ARL14EPL: variants seen among roughly 807,000 people sequenced by gnomAD.
ARL14EPL encodes the protein ARL14 effector protein-like.
ARL14EPL carries 17 observed loss-of-function variants against 15.9 expected under a neutral mutation model. That is an observed-to-expected ratio of 1.07 (90% CI 0.73 to 1.60). The LOEUF (loss-of-function observed/expected upper bound fraction) is 1.60. ARL14EPL is among the 40% of genes most tolerant of loss of function. The pLI is 0.00. For missense variants in ARL14EPL, 214 were observed against 185.9 expected, an observed-to-expected ratio of 1.15 and a Z score of -0.88; for synonymous variants, 78 against 63.8, an observed-to-expected ratio of 1.22 and a Z score of -1.06.
intron 1 of ARL14EPL, among the ~76,000 whole-genome samples, chr5:116,034,390 A>C (rs1749011570): frequency 2.0e-5 from 3 of 152,284 alleles, no homozygotes; most frequent in Middle Eastern, 3.4e-3. Context: ...GGCCTTTCTG[A>C]TCACTTAGCA....
chr5:116,039,892 T>C (rs1212550203), intron 1 of ARL14EPL, among the ~76,000 whole-genome samples: 1 of 152,190 alleles, frequency 6.6e-6, no homozygotes, highest in African/African-American at 2.4e-5. Flanking sequence ...AAATATGATT[T>C]ACTAAACTGT....
chr5:116,055,783 G>C (rs940606370), intron 3 of ARL14EPL, among the ~76,000 whole-genome samples: 1 of 152,078 alleles, frequency 6.6e-6, no homozygotes, highest in Admixed American at 6.5e-5. Context: ...GTCTCCTAAT[G>C]CTATCCCTCC....
rs1368522150 is a variant in ARL14EPL, at chr5:116,054,041, T to C, written c.124T>C (p.Leu42=). Residue 42 remains leucine (L), a synonymous_variant, in exon 3 of 4, where the codon TTG becomes CTG. Coordinates refer to ENST00000686077, the MANE Select transcript of ARL14EPL (RefSeq NM_001195581.2). Reference sequence around the variant, plus strand: ...ACAAATAGAGCGGCAGTTAAAATGCTTGGCATTTCGAAACCCTGGACCACA... The same window carrying C: ...ACAAATAGAGCGGCAGTTAAAATGCCTGGCATTTCGAAACCCTGGACCACA... ...LQQIERQLKC[L]AFRNPGPQVA... The C allele has an allele frequency of 2.6e-6, 4 of 1,535,526 alleles. 1 individual carries two copies. In the South Asian group the frequency reaches 4.8e-5, roughly 18 times the overall value.
intron 1 of ARL14EPL, among the ~76,000 whole-genome samples, chr5:116,040,979 CA>C (rs56060606): frequency 2.4e-4 from 16 of 66,150 alleles, no homozygotes; most frequent in East Asian, 7.5e-4. Context: ...GATTCCCTCT[CA>C]AAAAAAAAAA....
intron 3 of ARL14EPL, among the ~76,000 whole-genome samples, chr5:116,054,355 T>C (rs1749465783): frequency 6.6e-6 from 1 of 152,234 alleles, no homozygotes; most frequent in Non-Finnish European, 1.5e-5. Context: ...AGGAATCGAT[T>C]TTTTAAAAAG....
At position 116,042,977 on chromosome 5, in the gene ARL14EPL, A is replaced by G. The variant is rs555317940; in HGVS notation, c.-9-8480A>G. On this transcript the variant is annotated intron_variant, in intron 1 of 3. Transcript: ENST00000686077. ...GTTTTCTATTTTTTTACAGCTGCGT[A>G]GTACTACATGTACTATGTACTACGG... 2.0e-5 allele frequency among the ~76,000 whole-genome samples: 3 copies of G among 152,200 alleles called. No individual in the cohort carries two copies. In the South Asian group the frequency reaches 6.2e-4, roughly 32 times the overall value.
intron 1 of ARL14EPL, among the ~76,000 whole-genome samples, chr5:116,040,640 T>C (rs1749133726): frequency 6.6e-6 from 1 of 151,240 alleles, no homozygotes; most frequent in Non-Finnish European, 1.5e-5. Flanking sequence ...AATTTAATTC[T>C]TTTAATATAA....
In ARL14EPL at chr5:116,042,915, A is replaced by C. The variant is rs189641027; in HGVS notation, c.-9-8542A>C. On this transcript the variant is annotated intron_variant, in intron 1 of 3. Coordinates refer to ENST00000686077, the MANE Select transcript of ARL14EPL (RefSeq NM_001195581.2). Reference sequence around the variant, plus strand: ...TTTAAATTTAACAATATATTTTGGAAATTGTCTTATATAACTCTATAGAGA... The same window carrying C: ...TTTAAATTTAACAATATATTTTGGACATTGTCTTATATAACTCTATAGAGA... Among the ~76,000 whole-genome samples, 27 of 152,234 alleles carry C rather than the reference A, an allele frequency of 1.8e-4. No individual in the cohort carries two copies. In the East Asian group the frequency reaches 5.2e-3, roughly 29 times the overall value.
chr5:116,045,540 A>T (rs1489705243), intron 1 of ARL14EPL, among the ~76,000 whole-genome samples: 1 of 152,188 alleles, frequency 6.6e-6, no homozygotes, highest in Non-Finnish European at 1.5e-5. Flanking sequence ...GCCCTTTTAG[A>T]TGCTGATCTG....
At chr5:116,051,620 T>C in intron 2 of ARL14EPL, 59 bp downstream of exon 2, 1 of 1,364,080 alleles carries the variant, frequency 7.3e-7, no homozygotes, top group Non-Finnish European at 1.0e-6. Context: ...CGAGGATCTC[T>C]GAGATGCCCA....
intron 3 of ARL14EPL, among the ~76,000 whole-genome samples, chr5:116,055,816 G>A (rs1171451648): frequency 1.3e-5 from 2 of 151,398 alleles, no homozygotes; most frequent in Non-Finnish European, 2.9e-5. Flanking sequence ...CCCCACAACA[G>A]GCCCCAGTGT....
intron 3 of ARL14EPL, among the ~76,000 whole-genome samples, chr5:116,057,427 A>G (rs2112683597): frequency 6.6e-6 from 1 of 152,030 alleles, no homozygotes; most frequent in East Asian, 1.9e-4. Flanking sequence ...TTACCAAAAA[A>G]AAAAGCATCA....
At chr5:116,039,417 G>T (rs575253297) in intron 1 of ARL14EPL, among the ~76,000 whole-genome samples, 1 of 151,940 alleles carries the variant, frequency 6.6e-6, no homozygotes. Context: ...CTACAAAGCA[G>T]AATAAAAGAC....
intron 3 of ARL14EPL, 31 bp from the exon 4 acceptor site, chr5:116,058,693 TG>T (rs555546177): frequency 5.2e-5 from 79 of 1,521,670 alleles, no homozygotes; most frequent in African/African-American, 4.3e-4. Flanking sequence ...ATGATTGCAC[TG>T]TCATCTTAAT....
At chr5:116,046,295 A>T (rs1749266139) in intron 1 of ARL14EPL, among the ~76,000 whole-genome samples, 1 of 152,210 alleles carries the variant, frequency 6.6e-6, no homozygotes. Flanking sequence ...CTAGAATTTA[A>T]ATGGAACGTT....
rs1056957526 is a variant in ARL14EPL, at chr5:116,052,309, G to A, written c.96+748G>A. 164 of 1,165,792 alleles carry A rather than the reference G, an allele frequency of 1.4e-4. No homozygotes were observed. In the Admixed American group the frequency reaches 2.7e-3, roughly 19 times the overall value. The allele number at this position is 1,165,792 out of a possible 1,614,324, so 72.2% of individuals were successfully genotyped here. On this transcript the variant is annotated intron_variant, in intron 2 of 3. Coordinates refer to ENST00000686077, the MANE Select transcript of ARL14EPL (RefSeq NM_001195581.2). ...TTGCGAAGCTCGGAGAGTAGCAGCA[G>A]ACACCGCAGCCTTGCAAAGATGTCG...
intron 1 of ARL14EPL, among the ~76,000 whole-genome samples, chr5:116,048,263 A>G (rs1435476653): frequency 2.0e-5 from 3 of 152,178 alleles, no homozygotes; most frequent in African/African-American, 7.2e-5. Context: ...CATCAAATGC[A>G]ATAGCTTAGC....
At chr5:116,033,784 G>C (rs571531938) in intron 1 of ARL14EPL, among the ~76,000 whole-genome samples, 2 of 152,150 alleles carry the variant, frequency 1.3e-5, no homozygotes, top group East Asian at 1.9e-4. Context: ...AACTTATTTT[G>C]TTTGCTAAAA....
At chr5:116,052,364 A>G (rs1749406516) in intron 2 of ARL14EPL, 3 of 802,310 alleles carry the variant, frequency 3.7e-6, no homozygotes, top group African/African-American at 1.7e-5. Context: ...TTTTTATTTA[A>G]TGAACCTTTA....
Sources: gnomAD v4.1 joint callset for allele counts (sites outside exome capture counted in the v4.1 genomes callset) on GRCh38, gnomAD v4.1.1 for gene constraint, MANE v1.5 for transcripts, NCBI Gene and HGNC (gene_info 2026-07-23, HGNC 2026-07-21) for gene names.